The following ZNF449 variants were observed in gnomAD, a reference collection of about 807,000 sequenced individuals.
ZNF449 encodes the protein zinc finger and SCAN domain-containing protein 19.
In ZNF449, 4 loss-of-function variants were observed where a neutral mutation model predicts 32.6. The observed-to-expected ratio is 0.12, with a 90% confidence interval of 0.06 to 0.28. The LOEUF (loss-of-function observed/expected upper bound fraction) is 0.28. Ranked by LOEUF, ZNF449 falls within the 10% of genes least tolerant of loss-of-function variation. The pLI is 1.00. For synonymous variants in ZNF449, 123 were observed against 132.2 expected (o/e 0.93, Z 0.48); for missense variants, 275 against 383.2 (o/e 0.72, Z 2.36).
In ZNF449 at chrX:135,362,190, AAC is replaced by A. The variant is rs2084950775; in HGVS notation, c.*1122_*1123del. On this transcript the variant is annotated 3_prime_UTR_variant, in exon 5 of 5. Coordinates refer to ENST00000339249, the MANE Select transcript of ZNF449 (RefSeq NM_152695.6). ...TCTTAAAATATATATGAATTTGTGT[AAC>A]ACACACAGAGACACACACACATACT... 1 of 111,759 alleles carries A rather than the reference AAC, an allele frequency of 8.9e-6. No homozygotes were observed. 9.2% of individuals were successfully genotyped at this position (111,759 alleles called of 1,213,427 possible).
chrX:135,345,575 C>G (rs972016682), intron 1 of ZNF449, among the ~76,000 whole-genome samples: 5 of 112,265 alleles, frequency 4.5e-5, no homozygotes, highest in Non-Finnish European at 7.5e-5. Flanking sequence ...GCTTCGCATG[C>G]AATTGGATCC....
intron 3 of ZNF449, among the ~76,000 whole-genome samples, chrX:135,358,440 G>A (rs2084929068): frequency 9.0e-6 from 1 of 111,226 alleles, no homozygotes. Context: ...TTCTTCATTT[G>A]TTCCTGTGGA....
intron 3 of ZNF449, among the ~76,000 whole-genome samples, chrX:135,359,033 G>A (rs1488851234): frequency 2.7e-5 from 3 of 111,273 alleles, no homozygotes; most frequent in African/African-American, 9.8e-5. Flanking sequence ...TAAATTTTAC[G>A]TCAGATTAAC....
intron 3 of ZNF449, among the ~76,000 whole-genome samples, 160 bp downstream of exon 3, chrX:135,349,474 A>G (rs1357388968): frequency 8.9e-6 from 1 of 112,155 alleles, no homozygotes; most frequent in African/African-American, 3.2e-5. Context: ...GGAACAAAGC[A>G]CTTTGGATAG....
chrX:135,358,471 C>T (rs1556452569), intron 3 of ZNF449, among the ~76,000 whole-genome samples: 1 of 111,570 alleles, frequency 9.0e-6, no homozygotes, highest in Non-Finnish European at 1.9e-5. Context: ...CAACTGGAGT[C>T]ATTTCTTCAG....
intron 3 of ZNF449, among the ~76,000 whole-genome samples, chrX:135,351,658 TAAAAAAAAAAA>T (rs782046147): frequency 1.4e-4 from 7 of 49,503 alleles, no homozygotes; most frequent in South Asian, 3.5e-3. Context: ...TGAGGAATTC[TAAAAAAAAAAA>T]AAAAAAAAAA....
At chrX:135,358,667 G>T (rs2084930176) in intron 3 of ZNF449, among the ~76,000 whole-genome samples, 1 of 112,002 alleles carries the variant, frequency 8.9e-6, no homozygotes, top group Non-Finnish European at 1.9e-5. Context: ...TACTTGTGCT[G>T]CTTTGTCATG....
At chrX:135,349,059 T>C (rs1556449398) in intron 2 of ZNF449, 51 bp from the exon 3 acceptor site, 2 of 1,160,868 alleles carry the variant, frequency 1.7e-6, no homozygotes, top group East Asian at 6.0e-5. Flanking sequence ...ACAATTCTAC[T>C]GGGCACTGTT....
intron 3 of ZNF449, among the ~76,000 whole-genome samples, 184 bp from the exon 4 acceptor site, chrX:135,359,707 AC>A (rs1468819277): frequency 1.8e-5 from 2 of 112,064 alleles, no homozygotes; most frequent in African/African-American, 3.2e-5. Flanking sequence ...TGAATTGAAC[AC>A]CACCTCATTT....
At position 135,361,102 on chromosome X, in the gene ZNF449, C is replaced by T. The variant is rs1556453808; in HGVS notation, c.*26C>T. The T allele has an allele frequency of 1.8e-6, 2 of 1,094,110 alleles. No individual in the cohort carries two copies. Among genetic ancestry groups the T allele is most frequent in the Non-Finnish European group, 2.4e-6 (2 of 830,214 alleles). 90.2% of individuals were successfully genotyped at this position (1,094,110 alleles called of 1,213,427 possible). On this transcript the variant is annotated 3_prime_UTR_variant, in exon 5 of 5. Transcript: ENST00000339249. ...GAATTGCTAAGGGAAACAGGTCTTA[C>T]ACAAATTGACACTAACTCAAAAAAA...
chrX:135,353,511 A>G (rs1340392857), intron 3 of ZNF449, among the ~76,000 whole-genome samples: 1 of 111,393 alleles, frequency 9.0e-6, no homozygotes, highest in Non-Finnish European at 1.9e-5. Context: ...TGGATCTCTT[A>G]GCTATAGCCA....
At chrX:135,354,254 A>G (rs1331940151) in intron 3 of ZNF449, among the ~76,000 whole-genome samples, 1 of 112,543 alleles carries the variant, frequency 8.9e-6, no homozygotes, top group Non-Finnish European at 1.9e-5. Context: ...TGTAAGAGCC[A>G]TAACTGTTCT....
chrX:135,350,100 A>G (rs782306900), intron 3 of ZNF449, among the ~76,000 whole-genome samples: 93 of 107,398 alleles, frequency 8.7e-4, no homozygotes, highest in African/African-American at 3.2e-3. Flanking sequence ...TCCACCTCCC[A>G]GGTTCAAGTG....
At position 135,362,942 on chromosome X, in the gene ZNF449, T is replaced by G. The variant is rs782794172; in HGVS notation, c.*1866T>G. On this transcript the variant is annotated 3_prime_UTR_variant, in exon 5 of 5. Coordinates refer to ENST00000339249, the MANE Select transcript of ZNF449 (RefSeq NM_152695.6). ...GGTCAACATATGATGCTGCTATAAG[T>G]CTGGGGCTCAAATTGATATCCCAGT... is the stretch of plus-strand genomic sequence containing the variant. 1 of 112,075 alleles carries G rather than the reference T, an allele frequency of 8.9e-6. No homozygotes were observed. Among genetic ancestry groups the G allele is most frequent in the Non-Finnish European group, 1.9e-5 (1 of 53,156 alleles). The allele number at this position is 112,075 out of a possible 1,213,427, so 9.2% of individuals were successfully genotyped here. A position where few individuals can be genotyped will look rare whatever the true frequency, so the allele number is the denominator to read the frequency against.
intron 2 of ZNF449, chrX:135,347,755 C>G: frequency 1.1e-6 from 1 of 875,044 alleles, no homozygotes; most frequent in African/African-American, 2.0e-5. Flanking sequence ...CCCAAAGCAT[C>G]AGTAAATTGC....
Position 135,361,238 on chromosome X carries a change from A to G in ZNF449, c.*162A>G, listed in dbSNP as rs1455977899. 2.7e-6 allele frequency: 1 copy of G among 369,365 alleles called. No individual in the cohort carries two copies. The highest frequency in any genetic ancestry group is 5.2e-5 in the Admixed American group (1 of 19,370). The allele number at this position is 369,365 out of a possible 1,213,427, so 30.4% of individuals were successfully genotyped here. A position where few individuals can be genotyped will look rare whatever the true frequency, so the allele number is the denominator to read the frequency against. The stretch of plus-strand genomic sequence containing the variant: ...AAAACCCATCTTCCAAGGTATATGA[A>G]TTCTAGAGTATTTATCTACTCCTGT... On this transcript the variant is annotated 3_prime_UTR_variant, in exon 5 of 5. Coordinates refer to ENST00000339249, the MANE Select transcript of ZNF449 (RefSeq NM_152695.6).
intron 1 of ZNF449, among the ~76,000 whole-genome samples, chrX:135,345,154 T>A (rs1381561860): frequency 8.9e-6 from 1 of 112,928 alleles, no homozygotes; most frequent in African/African-American, 3.2e-5. Flanking sequence ...GCTTTTACAC[T>A]TTTTAGGGAC....
rs781818650 is a variant in ZNF449, at chrX:135,347,471, A to T, written c.353A>T (p.Gln118Leu). ...AGAGAACTTGAGATACCAGAGCAGC[A>T]GGTAAGAAAAGAATGTGGGATCTTT... ...LQRELEIPEQ[Q>L]VDMHDMLLEE... The change falls in exon 2 of 5, where the codon CAG becomes CTG. Residue 118 changes from glutamine (Q) to leucine (L), a missense_variant and splice_region_variant. Gln to Leu is a moderately radical substitution (Grantham distance 113). Transcript: ENST00000339249. The T allele has an allele frequency of 7.4e-6, 9 of 1,211,637 alleles. No homozygotes were observed. The highest frequency in any genetic ancestry group is 1.1e-6 in the Non-Finnish European group (1 of 895,329).
chrX:135,349,519 C>T (rs1005958210), intron 3 of ZNF449, among the ~76,000 whole-genome samples: 1 of 111,131 alleles, frequency 9.0e-6, no homozygotes, highest in Non-Finnish European at 1.9e-5. Context: ...AGCTAATGAC[C>T]CTGATAAGGA....
Sources: allele counts gnomAD v4.1 joint callset (sites outside exome capture counted in the v4.1 genomes callset), GRCh38; gene constraint gnomAD v4.1.1; transcripts MANE v1.5; gene names NCBI Gene and HGNC (gene_info 2026-07-23, HGNC 2026-07-21).